The following HPSE2 variants were observed in gnomAD, a reference collection of about 807,000 sequenced individuals.
HPSE2 encodes heparanase 2 (inactive), also known as inactive heparanase-2.
In HPSE2, 38 loss-of-function variants were observed where a neutral mutation model predicts 60.5. The observed-to-expected ratio is 0.63, with a 90% CI of 0.48 to 0.82. The LOEUF (loss-of-function observed/expected upper bound fraction) is 0.82. HPSE2 is among the 40% of genes least tolerant of loss of function. HPSE2 has a pLI of 0.00. For synonymous variants in HPSE2, 295 were observed against 293.2 expected, an observed-to-expected ratio of 1.01 and a Z score of -0.06; for missense variants, 713 against 740.4, an observed-to-expected ratio of 0.96 and a Z score of 0.43.
At chr10:98,900,502 C>A (rs1953636382) in intron 3 of HPSE2, among the ~76,000 whole-genome samples, 1 of 152,034 alleles carries the variant, frequency 6.6e-6, no homozygotes, top group South Asian at 2.1e-4. Context: ...AATGTATGAA[C>A]ATTATGTATG....
chr10:98,540,177 A>G (rs1943414327), intron 9 of HPSE2, among the ~76,000 whole-genome samples: 1 of 152,248 alleles, frequency 6.6e-6, no homozygotes, highest in Non-Finnish European at 1.5e-5. Flanking sequence ...GAAGTCAATA[A>G]TTTTTGTTGA....
At chr10:98,779,114 G>C (rs1565157325) in intron 3 of HPSE2, among the ~76,000 whole-genome samples, 2 of 152,086 alleles carry the variant, frequency 1.3e-5, no homozygotes, top group Admixed American at 6.6e-5. Context: ...TCGGTTACTA[G>C]GCAGAAGACA....
chr10:98,774,941 T>C (rs926943156), intron 3 of HPSE2, among the ~76,000 whole-genome samples: 1 of 152,140 alleles, frequency 6.6e-6, no homozygotes, highest in Admixed American at 6.6e-5. Context: ...GGCAATAGAA[T>C]CCACAAGTGT....
At chr10:98,618,143 G>A (rs1046506642) in intron 8 of HPSE2, among the ~76,000 whole-genome samples, 2 of 152,118 alleles carry the variant, frequency 1.3e-5, no homozygotes, top group African/African-American at 4.8e-5. Context: ...CCAAATGGGT[G>A]ACAAAGAGGT....
intron 9 of HPSE2, among the ~76,000 whole-genome samples, chr10:98,522,138 A>T (rs1178544617): frequency 4.0e-5 from 6 of 149,738 alleles, no homozygotes; most frequent in South Asian, 2.1e-4. Flanking sequence ...GATAATTATA[A>T]AAAAAAAAAG....
At chr10:98,552,641 A>G (rs994379219) in intron 9 of HPSE2, among the ~76,000 whole-genome samples, 1 of 152,186 alleles carries the variant, frequency 6.6e-6, no homozygotes, top group African/African-American at 2.4e-5. Context: ...CATCAATTCT[A>G]TGATGACTTT....
intron 2 of HPSE2, among the ~76,000 whole-genome samples, chr10:99,180,799 A>G (rs1847730436): frequency 6.9e-6 from 1 of 144,150 alleles, no homozygotes; most frequent in Non-Finnish European, 1.5e-5. Context: ...CTGAGGCAGG[A>G]GAATGGCTTG....
intron 6 of HPSE2, among the ~76,000 whole-genome samples, chr10:98,671,694 G>A (rs1363112103): frequency 6.6e-6 from 1 of 152,162 alleles, no homozygotes; most frequent in Non-Finnish European, 1.5e-5. Flanking sequence ...AGGGAAAGAA[G>A]GAAATTCCAA....
chr10:98,483,533 T>C (rs1941325485), intron 10 of HPSE2, among the ~76,000 whole-genome samples: 1 of 152,262 alleles, frequency 6.6e-6, no homozygotes, highest in South Asian at 2.1e-4. Flanking sequence ...GTGTGTTGTA[T>C]GATTCCTCAC....
intron 3 of HPSE2, among the ~76,000 whole-genome samples, chr10:98,851,115 T>C (rs1952163423): frequency 6.6e-6 from 1 of 152,230 alleles, no homozygotes; most frequent in African/African-American, 2.4e-5. Flanking sequence ...TGGCTTAAAC[T>C]GCTAACCATA....
At chr10:98,782,939 A>ATTTT (rs1393136954) in intron 3 of HPSE2, among the ~76,000 whole-genome samples, 1 of 37,924 alleles carries the variant, frequency 2.6e-5, no homozygotes, top group Non-Finnish European at 5.1e-5. Flanking sequence ...TTTTTTTTTA[A>ATTTT]TGTTTTTTTT....
At chr10:99,084,338 A>C (rs1459143441) in intron 3 of HPSE2, among the ~76,000 whole-genome samples, 5 of 152,138 alleles carry the variant, frequency 3.3e-5, no homozygotes. Flanking sequence ...TTTTCCCCTA[A>C]GAAAAGTGCC....
chr10:98,652,060 C>T (rs1462155979), intron 6 of HPSE2, among the ~76,000 whole-genome samples: 2 of 152,140 alleles, frequency 1.3e-5, no homozygotes, highest in African/African-American at 2.4e-5. Context: ...TGTGAGCCAC[C>T]ACGCTCGGCC....
intron 2 of HPSE2, among the ~76,000 whole-genome samples, chr10:99,167,402 T>C (rs1469994264): frequency 6.6e-6 from 1 of 152,186 alleles, no homozygotes; most frequent in East Asian, 1.9e-4. Context: ...AGTGTTGTGT[T>C]TTACATTTAG....
At chr10:98,679,241 A>G (rs1947723253) in intron 6 of HPSE2, among the ~76,000 whole-genome samples, 1 of 152,224 alleles carries the variant, frequency 6.6e-6, no homozygotes, top group Non-Finnish European at 1.5e-5. Flanking sequence ...TCCTCACTCT[A>G]CATCAGCAGT....
intron 10 of HPSE2, among the ~76,000 whole-genome samples, chr10:98,484,512 C>T (rs1400005542): frequency 6.6e-6 from 1 of 152,252 alleles, no homozygotes; most frequent in East Asian, 1.9e-4. Context: ...GCTGGGATTA[C>T]AGGCGTTAGA....
At chr10:99,299,947 T>C in the HPSE2 span, among the ~76,000 whole-genome samples, 1 of 148,788 alleles carries the variant, frequency 6.7e-6, no homozygotes, top group East Asian at 2.0e-4. Flanking sequence ...AAGGGAACAA[T>C]GGGACCCCAA....
intron 9 of HPSE2, among the ~76,000 whole-genome samples, chr10:98,600,818 G>T (rs1945380600): frequency 6.8e-6 from 1 of 146,712 alleles, no homozygotes; most frequent in African/African-American, 2.5e-5. Context: ...GTGCGTGTGT[G>T]TGTAGATATA....
intron 3 of HPSE2, among the ~76,000 whole-genome samples, chr10:99,100,001 T>A (rs1335565778): frequency 1.3e-5 from 2 of 151,996 alleles, no homozygotes; most frequent in East Asian, 3.9e-4. Context: ...TATGTCACCA[T>A]CATCAAAGAC....
Sources: gnomAD v4.1 joint callset for allele counts (sites outside exome capture counted in the v4.1 genomes callset) on GRCh38, gnomAD v4.1.1 for gene constraint, MANE v1.5 for transcripts, NCBI Gene and HGNC (gene_info 2026-07-23, HGNC 2026-07-21) for gene names.